KAZN: variants seen among roughly 807,000 people sequenced by gnomAD.
KAZN encodes the protein kazrin.
A neutral mutation model predicts 87.4 loss-of-function variants in KAZN; 40 were observed. The observed-to-expected ratio is 0.46, with a 90% CI of 0.36 to 0.60. The LOEUF is 0.60. KAZN is among the 20% of genes least tolerant of loss of function. The pLI, the probability that KAZN is intolerant of heterozygous loss-of-function variation, is 0.00. For missense variants in KAZN, 898 were observed against 1,073.9 expected (o/e 0.84, Z 2.29); for synonymous variants, 466 against 458.3 (o/e 1.02, Z -0.22).
intron 1 of KAZN, among the ~76,000 whole-genome samples, chr1:14,796,074 C>G (rs1244460470): frequency 6.6e-6 from 1 of 152,186 alleles, no homozygotes; most frequent in African/African-American, 2.4e-5. Flanking sequence ...GAGGTAGGCC[C>G]CACTTCGCCT....
chr1:15,095,397 C>A (rs558848028), intron 10 of KAZN, among the ~76,000 whole-genome samples: 1 of 152,056 alleles, frequency 6.6e-6, no homozygotes, highest in South Asian at 2.1e-4. Context: ...CATAGAGGAG[C>A]GGGCCAGGTG....
At chr1:14,540,573 C>T (rs1365627716) in intron 2 of KAZN, among the ~76,000 whole-genome samples, 1 of 152,088 alleles carries the variant, frequency 6.6e-6, no homozygotes, top group African/African-American at 2.4e-5. Context: ...TCTGATTTTT[C>T]AAAAGAGGCC....
intron 2 of KAZN, among the ~76,000 whole-genome samples, chr1:14,977,194 G>A (rs1222171801): frequency 6.6e-6 from 1 of 152,250 alleles, no homozygotes; most frequent in Non-Finnish European, 1.5e-5. Context: ...GGCCCTGAGG[G>A]TCAGGACCTG....
intron 1 of KAZN, among the ~76,000 whole-genome samples, chr1:14,854,263 A>G (rs1001924337): frequency 1.2e-4 from 19 of 152,236 alleles, no homozygotes; most frequent in African/African-American, 3.1e-4. Context: ...TCCAGCTACC[A>G]TAGTGCCTAA....
chr1:15,024,189 G>A (rs1374976996), intron 2 of KAZN, among the ~76,000 whole-genome samples: 5 of 152,130 alleles, frequency 3.3e-5, no homozygotes, highest in Admixed American at 1.3e-4. Flanking sequence ...AGTCCAAAAC[G>A]GAGCAGGCAG....
chr1:14,657,509 CCA>C (rs1638885522), intron 1 of KAZN, among the ~76,000 whole-genome samples: 1 of 152,340 alleles, frequency 6.6e-6, no homozygotes, highest in South Asian at 2.1e-4. Context: ...GGCCCAGGGA[CCA>C]CACTTTGGGG....
intron 1 of KAZN, among the ~76,000 whole-genome samples, chr1:14,712,561 C>A (rs549459527): frequency 1.3e-5 from 2 of 152,318 alleles, no homozygotes; most frequent in African/African-American, 2.4e-5. Flanking sequence ...ATTTTGCAAT[C>A]ATTTGAGACC....
At chr1:14,400,180 CAT>C (rs1159715067) in intron 2 of KAZN, among the ~76,000 whole-genome samples, 1 of 152,112 alleles carries the variant, frequency 6.6e-6, no homozygotes, top group Non-Finnish European at 1.5e-5. Context: ...CATTTGTTCA[CAT>C]GTCTTTCTTT....
chr1:14,708,987 C>G (rs1292563165), intron 1 of KAZN, among the ~76,000 whole-genome samples: 1 of 152,092 alleles, frequency 6.6e-6, no homozygotes, highest in East Asian at 1.9e-4. Context: ...GGCTTGGCTC[C>G]TAGGAGGTGC....
At chr1:14,284,544 G>A (rs1427513685) in intron 2 of KAZN, among the ~76,000 whole-genome samples, 1 of 152,218 alleles carries the variant, frequency 6.6e-6, no homozygotes, top group Non-Finnish European at 1.5e-5. Flanking sequence ...GAAAGATTCT[G>A]TTGGACTTTG....
At chr1:14,221,489 C>A (rs776824160) in intron 2 of KAZN, among the ~76,000 whole-genome samples, 1 of 151,754 alleles carries the variant, frequency 6.6e-6, no homozygotes, top group Admixed American at 6.6e-5. Flanking sequence ...AAGTTGCCTC[C>A]GAGAAGGGAA....
intron 1 of KAZN, among the ~76,000 whole-genome samples, chr1:14,166,074 G>A (rs1239885333): frequency 6.6e-6 from 1 of 152,208 alleles, no homozygotes; most frequent in Non-Finnish European, 1.5e-5. Context: ...CAGCACTTCG[G>A]GAGGCAGAGG....
intron 1 of KAZN, among the ~76,000 whole-genome samples, chr1:13,981,097 A>ATG (rs1638665651): frequency 1.0e-5 from 1 of 96,940 alleles, no homozygotes; most frequent in East Asian, 2.2e-4. Flanking sequence ...CTTTATATAT[A>ATG]TATATATATA....
chr1:13,987,031 G>A (rs1000614267), intron 1 of KAZN, among the ~76,000 whole-genome samples: 2 of 148,814 alleles, frequency 1.3e-5, no homozygotes, highest in Non-Finnish European at 3.0e-5. Flanking sequence ...GAAAGAAAGT[G>A]TCTTCCATTG....
At chr1:14,527,720 A>G (rs991579025) in intron 2 of KAZN, among the ~76,000 whole-genome samples, 4 of 152,100 alleles carry the variant, frequency 2.6e-5, no homozygotes, top group Non-Finnish European at 4.4e-5. Flanking sequence ...GAGAGGAAGT[A>G]AGGAAGAAGG....
chr1:14,002,654 A>G (rs1639850347), intron 1 of KAZN, among the ~76,000 whole-genome samples: 2 of 152,224 alleles, frequency 1.3e-5, no homozygotes, highest in African/African-American at 4.8e-5. Flanking sequence ...CTACAATGAG[A>G]TACCATCTCA....
Position 14,025,850 on chromosome 1 carries a change from A to G in KAZN, c.91+132094A>G, listed in dbSNP as rs138719268. ...ACCTCCCCAGTGAACCACCTGCATT[A>G]TGGTTGCTTGTCTTTCAAAATTAAA... On this transcript the variant is annotated intron_variant, in intron 1 of 16. Coordinates refer to the KAZN transcript ENST00000636203. Among the ~76,000 whole-genome samples, 392 of 152,254 alleles carry G rather than the reference A, an allele frequency of 2.6e-3. 1 individual carries two copies. The highest frequency in any genetic ancestry group is 8.9e-3 in the African/African-American group (369 of 41,552).
chr1:14,738,383 C>T (rs1643977492), intron 1 of KAZN, among the ~76,000 whole-genome samples: 1 of 151,836 alleles, frequency 6.6e-6, no homozygotes, highest in South Asian at 2.1e-4. Context: ...ACAGCAGTGC[C>T]CTGAACCCTG....
At chr1:13,970,016 A>G (rs1642081007) in intron 1 of KAZN, among the ~76,000 whole-genome samples, 1 of 152,340 alleles carries the variant, frequency 6.6e-6, no homozygotes, top group Non-Finnish European at 1.5e-5. Flanking sequence ...AGCAAATGCA[A>G]AACTTGGTTT....
Sources: allele counts gnomAD v4.1 joint callset (sites outside exome capture counted in the v4.1 genomes callset), GRCh38; gene constraint gnomAD v4.1.1; transcripts MANE v1.5; gene names NCBI Gene and HGNC (gene_info 2026-07-23, HGNC 2026-07-21).